CDCA7L: variants seen among roughly 807,000 people sequenced by gnomAD.
CDCA7L encodes the protein cell division cycle associated 7 like, also known as cell division cycle-associated 7-like protein.
In CDCA7L, 44 loss-of-function variants were observed where a neutral mutation model predicts 57.4. The observed-to-expected ratio is 0.77, with a 90% CI of 0.60 to 0.98. The LOEUF (loss-of-function observed/expected upper bound fraction) is 0.98. CDCA7L is among the 50% of genes least tolerant of loss of function. The pLI, the probability that CDCA7L is intolerant of heterozygous loss-of-function variation, is 0.00. For synonymous variants in CDCA7L, 236 were observed against 202.8 expected, an observed-to-expected ratio of 1.16 and a Z score of -1.39; for missense variants, 644 against 580.6, an observed-to-expected ratio of 1.11 and a Z score of -1.12.
intron 1 of CDCA7L, among the ~76,000 whole-genome samples, chr7:21,941,481 T>C (rs369317908): frequency 7.9e-5 from 12 of 152,312 alleles, no homozygotes; most frequent in East Asian, 7.7e-4. Flanking sequence ...TACGGTAACA[T>C]GTTATTGTTT....
chr7:21,901,796 T>C lies in CDCA7L; in HGVS notation c.*526A>G, dbSNP rs1784880541. 6.1e-6 allele frequency: 1 copy of C among 163,642 alleles called. No homozygotes were observed. The highest frequency in any genetic ancestry group is 2.4e-5 in the African/African-American group (1 of 41,576). The allele number at this position is 163,642 out of a possible 1,614,324, so 10.1% of individuals were successfully genotyped here. Reference sequence around the variant, plus strand: ...GTCTACAATGTTGATGGTCCCCTTTTGTTCAGTCAAGTTTTAATAAAAATA... The same window carrying C: ...GTCTACAATGTTGATGGTCCCCTTTCGTTCAGTCAAGTTTTAATAAAAATA... On this transcript the variant is annotated 3_prime_UTR_variant, in exon 10 of 10. Coordinates refer to ENST00000406877, the MANE Select transcript of CDCA7L (RefSeq NM_018719.5).
chr7:21,918,173 TATTA>T (rs776273620), intron 1 of CDCA7L, among the ~76,000 whole-genome samples: 36 of 151,928 alleles, frequency 2.4e-4, no homozygotes, highest in Admixed American at 4.6e-4. Flanking sequence ...GTTATCCCAC[TATTA>T]ATTAGTAATT....
rs1326541991 is a variant in CDCA7L at position 21,901,947 on chromosome 7, AGTTACTGTTTG to A, written c.*364_*374del. 1.2e-5 allele frequency: 3 copies of A among 243,398 alleles called. No homozygotes were observed. Among genetic ancestry groups the A allele is most frequent in the Non-Finnish European group, 2.3e-5 (3 of 128,554 alleles). The allele number at this position is 243,398 out of a possible 1,614,324, so 15.1% of individuals were successfully genotyped here. A position where few individuals can be genotyped will look rare whatever the true frequency, so the allele number is the denominator to read the frequency against. ...GCTAAGGCACACTTGGCCTGGAGTG[AGTTACTGTTTG>A]GGAAGCCAAAGATAGATAGATCAAG... On this transcript the variant is annotated 3_prime_UTR_variant, in exon 10 of 10. Transcript: ENST00000406877.
chr7:21,907,686 C>G (rs1387898986), intron 4 of CDCA7L, among the ~76,000 whole-genome samples: 2 of 152,166 alleles, frequency 1.3e-5, no homozygotes, highest in Non-Finnish European at 1.5e-5. Context: ...AGTCTCAGAA[C>G]CAGTGCTGGT....
chr7:21,937,952 T>C (rs1454618865), intron 1 of CDCA7L, among the ~76,000 whole-genome samples: 2 of 152,098 alleles, frequency 1.3e-5, no homozygotes, highest in East Asian at 1.9e-4. Flanking sequence ...GATCTAAATA[T>C]AAGAGCTAAA....
At position 21,901,175 on chromosome 7, in the gene CDCA7L, T is replaced by C; in HGVS notation, c.*1147A>G. ...ACCAAACTGAGAGGCCCCAGCTACA[T>C]CTGGACCTTCAGGCTGAAGAGCGAA... On this transcript the variant is annotated 3_prime_UTR_variant, in exon 10 of 10. Coordinates refer to ENST00000406877, the MANE Select transcript of CDCA7L (RefSeq NM_018719.5). The C allele has an allele frequency of 6.2e-7, 1 of 1,613,098 alleles. No homozygotes were observed. The highest frequency in any genetic ancestry group is 8.5e-7 in the Non-Finnish European group (1 of 1,179,478).
chr7:21,910,463 A>G (rs1388847202), intron 3 of CDCA7L, among the ~76,000 whole-genome samples: 1 of 152,194 alleles, frequency 6.6e-6, no homozygotes, highest in Admixed American at 6.5e-5. Context: ...AGTGAGGGAC[A>G]TGGCAGGCTA....
In CDCA7L at chr7:21,902,107, G is replaced by A; in HGVS notation, c.*215C>T. Reference sequence around the variant, plus strand: ...TTTAACAAAGTTCAGCATACAGACAGGTCTGTGCATACATCTATATAGATT... The same window carrying A: ...TTTAACAAAGTTCAGCATACAGACAAGTCTGTGCATACATCTATATAGATT... On this transcript the variant is annotated 3_prime_UTR_variant, in exon 10 of 10. Transcript: ENST00000406877. 2 of 580,450 alleles carry A rather than the reference G, an allele frequency of 3.4e-6. No individual in the cohort carries two copies. The highest frequency in any genetic ancestry group is 6.2e-6 in the Non-Finnish European group (2 of 323,496). 36.0% of individuals were successfully genotyped at this position (580,450 alleles called of 1,614,324 possible). A position where few individuals can be genotyped will look rare whatever the true frequency, so the allele number is the denominator to read the frequency against.
chr7:21,911,774 AC>A lies in CDCA7L; in HGVS notation c.166-21del, dbSNP rs1562624888. 4 of 1,606,996 alleles carry A rather than the reference AC, an allele frequency of 2.5e-6. No homozygotes were observed. The highest frequency in any genetic ancestry group is 3.4e-6 in the Non-Finnish European group (4 of 1,177,468). ...ATCCTGCTAAATTAAAGACACACAT[AC>A]ATCAGAGACGGAAAGTAGAATAGAG... On this transcript the variant is annotated intron_variant, in intron 2 of 9. Coordinates refer to ENST00000406877, the MANE Select transcript of CDCA7L (RefSeq NM_018719.5).
Position 21,901,217 on chromosome 7 carries a change from G to GGGTTCTGGC in CDCA7L, c.*1096_*1104dup, listed in dbSNP as rs1417710569. On this transcript the variant is annotated 3_prime_UTR_variant, in exon 10 of 10. Transcript: ENST00000406877. ...AAGAGCGAAGAGAAGACTGCAAAAT[G>GGGTTCTGGC]GGTTCTGGCTGGAGTGGCTCTGCTT... The GGGTTCTGGC allele has an allele frequency of 5.0e-6, 8 of 1,613,638 alleles. No individual in the cohort carries two copies. Among genetic ancestry groups the GGGTTCTGGC allele is most frequent in the Non-Finnish European group, 6.8e-6 (8 of 1,179,726 alleles).
Position 21,901,658 on chromosome 7 carries a change from AAAC to A in CDCA7L, c.*661_*663del, listed in dbSNP as rs1454855826. The A allele has an allele frequency of 1.3e-5, 2 of 157,938 alleles. No homozygotes were observed. Among genetic ancestry groups the A allele is most frequent in the East Asian group, 1.9e-4 (1 of 5,344 alleles). The allele number at this position is 157,938 out of a possible 1,614,324, so 9.8% of individuals were successfully genotyped here. On this transcript the variant is annotated 3_prime_UTR_variant, in exon 10 of 10. Transcript: ENST00000406877. ...AAGAACGGAGATTTTAATTTTTAAC[AAAC>A]AACAAATTAAATTATTAGCCCTTAA...
rs1562621511 is a variant in CDCA7L, at chr7:21,906,561, T to A, written c.753+7A>T. The A allele has an allele frequency of 2.5e-6, 4 of 1,614,144 alleles. No homozygotes were observed. The highest frequency in any genetic ancestry group is 2.5e-6 in the Non-Finnish European group (3 of 1,179,990). On this transcript the variant is annotated splice_region_variant and intron_variant, in intron 5 of 9. Transcript: ENST00000406877. ...GTATTGGTATAATTATAAGGAGTTC[T>A]ACTTACAGAAGCTGAGGTTGGGGTT...
At chr7:21,943,619 T>C (rs1786414856) in intron 1 of CDCA7L, among the ~76,000 whole-genome samples, 2 of 152,182 alleles carry the variant, frequency 1.3e-5, no homozygotes, top group Admixed American at 1.3e-4. Flanking sequence ...TCTCCACTAA[T>C]TTAGAGACTA....
At chr7:21,902,890 G>T in intron 9 of CDCA7L, 88 bp downstream of exon 9, 2 of 1,262,992 alleles carry the variant, frequency 1.6e-6, no homozygotes, top group Non-Finnish European at 2.2e-6. Context: ...AAGTCACACG[G>T]GAAGGCAACA....
rs1250731649 is a variant in CDCA7L, at chr7:21,903,107, A to G, written c.1205T>C (p.Val402Ala). The G allele has an allele frequency of 1.9e-6, 3 of 1,613,544 alleles. No homozygotes were observed. Among genetic ancestry groups the G allele is most frequent in the Non-Finnish European group, 1.7e-6 (2 of 1,179,846 alleles). The change falls in exon 9 of 10, where the codon GTG (valine) becomes GCG (alanine). Residue 402 changes from valine to alanine, a missense_variant. Transcript: ENST00000406877. Reference protein sequence around the residue: ...VRSALLDPDWVCPPCRGICNC... With the variant: ...VRSALLDPDWACPPCRGICNC... ...GCAGATCCCACGACAGGGGGGACAC[A>G]CCCAATCCTAACAGAGAGATGACAG...
Position 21,901,202 on chromosome 7 carries a change from A to C in CDCA7L, c.*1120T>G, listed in dbSNP as rs767206447. On this transcript the variant is annotated 3_prime_UTR_variant, in exon 10 of 10. Transcript: ENST00000406877. The stretch of plus-strand genomic sequence containing the variant: ...TGGACCTTCAGGCTGAAGAGCGAAG[A>C]GAAGACTGCAAAATGGGTTCTGGCT... 1.9e-6 allele frequency: 3 copies of C among 1,613,724 alleles called. No individual in the cohort carries two copies. Among genetic ancestry groups the C allele is most frequent in the Admixed American group, 3.3e-5 (2 of 60,024 alleles).
intron 9 of CDCA7L, 66 bp from the exon 10 acceptor site, chr7:21,902,418 G>C (rs1784942195): frequency 1.4e-6 from 2 of 1,458,030 alleles, no homozygotes; most frequent in Non-Finnish European, 1.9e-6. Flanking sequence ...CTAGGCTTGA[G>C]AGATTCCACA....
chr7:21,931,635 A>G (rs746142372), intron 1 of CDCA7L, among the ~76,000 whole-genome samples: 7 of 152,250 alleles, frequency 4.6e-5, no homozygotes, highest in Non-Finnish European at 1.0e-4. Context: ...TCTCAAAATA[A>G]TAACAGCTAT....
chr7:21,906,960 G>A (rs375845623), intron 4 of CDCA7L, among the ~76,000 whole-genome samples: 6 of 152,212 alleles, frequency 3.9e-5, no homozygotes, highest in Admixed American at 6.5e-5. Flanking sequence ...AATCCAAGGC[G>A]GTGTGACCCT....
Sources: gnomAD v4.1 joint callset for allele counts (sites outside exome capture counted in the v4.1 genomes callset) on GRCh38, gnomAD v4.1.1 for gene constraint, MANE v1.5 for transcripts, NCBI Gene and HGNC (gene_info 2026-07-23, HGNC 2026-07-21) for gene names.